GCA: variants seen among roughly 807,000 people sequenced by gnomAD.
GCA encodes the protein grancalcin.
Under a neutral mutation model 32.6 loss-of-function variants are expected in GCA, and 30 were observed. The observed-to-expected ratio is 0.92, with a 90% CI of 0.69 to 1.25. The LOEUF is 1.25. GCA is among the 50% of genes most tolerant of loss of function. The probability of loss-of-function intolerance (pLI) is 0.00; values close to 1 mark genes in which losing one functional copy is unlikely to be tolerated. For synonymous variants in GCA, 102 were observed against 84.6 expected (o/e 1.21, Z -1.13); for missense variants, 291 against 266.8 (o/e 1.09, Z -0.63).
At chr2:162,349,519 T>G (rs185022469) in intron 2 of GCA, among the ~76,000 whole-genome samples, 14 of 151,236 alleles carry the variant, frequency 9.3e-5, no homozygotes, top group East Asian at 7.7e-4. Context: ...AAGATGTGTG[T>G]TTTTTTTTCT....
intron 1 of GCA, among the ~76,000 whole-genome samples, chr2:162,328,218 CAAA>C (rs35156397): frequency 0.026 from 2,304 of 90,044 alleles, 83 homozygotes; most frequent in African/African-American, 0.092. Flanking sequence ...CTGTTTCTAC[CAAA>C]AAAAAAAAAA....
intron 2 of GCA, among the ~76,000 whole-genome samples, chr2:162,351,481 A>G (rs1330849068): frequency 6.6e-6 from 1 of 152,186 alleles, no homozygotes; most frequent in Non-Finnish European, 1.5e-5. Context: ...GCTGCTTAGT[A>G]TTTTGTAATT....
chr2:162,332,351 T>A (rs1352001377), intron 1 of GCA, among the ~76,000 whole-genome samples: 1 of 146,126 alleles, frequency 6.8e-6, no homozygotes, highest in Non-Finnish European at 1.5e-5. Flanking sequence ...TATATAATAT[T>A]ATTTATATAT....
downstream of GCA, among the ~76,000 whole-genome samples, chr2:162,365,966 A>G (rs1232049871): frequency 6.6e-6 from 1 of 151,670 alleles, no homozygotes; most frequent in Non-Finnish European, 1.5e-5. Context: ...TTATATATCC[A>G]AACAATATAT....
chr2:162,358,528 C>G (rs1002742352), intron 5 of GCA, among the ~76,000 whole-genome samples: 1 of 151,264 alleles, frequency 6.6e-6, no homozygotes, highest in Admixed American at 6.6e-5. Flanking sequence ...TGAAGAAACA[C>G]TAAGAATTCC....
intron 1 of GCA, among the ~76,000 whole-genome samples, chr2:162,327,397 A>G (rs751137007): frequency 2.0e-5 from 3 of 152,158 alleles, no homozygotes; most frequent in Non-Finnish European, 4.4e-5. Context: ...CAGAAAAAAC[A>G]GTAAAAGGGG....
chr2:162,319,393 C>T (rs188402365), intron 1 of GCA: 2 of 318,052 alleles, frequency 6.3e-6, no homozygotes, highest in Admixed American at 3.9e-5. Flanking sequence ...TAGATCCCAG[C>T]TTGTAAGTTC....
intron 1 of GCA, among the ~76,000 whole-genome samples, chr2:162,329,112 T>A (rs867945233): frequency 6.6e-5 from 10 of 152,048 alleles, no homozygotes; most frequent in African/African-American, 1.5e-4. Flanking sequence ...GGGGTTTTTT[T>A]ATAGGCACAG....
At chr2:162,364,843 CAT>C (rs1261866061), downstream of GCA, among the ~76,000 whole-genome samples, 7 of 151,656 alleles carry the variant, frequency 4.6e-5, no homozygotes, top group East Asian at 1.4e-3. Context: ...GTTATTTGCA[CAT>C]GAGTTAAAGC....
chr2:162,356,790 A>T lies in GCA; in HGVS notation c.339A>T (p.Ala113=). The T allele has an allele frequency of 1.2e-6, 2 of 1,609,020 alleles. No individual in the cohort carries two copies. Among genetic ancestry groups the T allele is most frequent in the Non-Finnish European group, 1.7e-6 (2 of 1,176,482 alleles). The change falls in exon 5 of 8, where the codon GCA becomes GCT. Residue 113 remains alanine, a synonymous_variant. Coordinates refer to ENST00000437150, the MANE Select transcript of GCA (RefSeq NM_012198.5). ...RDHTGKMGFN[A]FKELWAALNA... ...ACACAGGAAAAATGGGATTTAATGCATTCAAAGAGCTATGGGCAGCTCTTA... is the reference window on the plus strand; with the variant it reads ...ACACAGGAAAAATGGGATTTAATGCTTTCAAAGAGCTATGGGCAGCTCTTA...
intron 1 of GCA, among the ~76,000 whole-genome samples, chr2:162,332,708 T>G: frequency 6.6e-6 from 1 of 151,458 alleles, no homozygotes; most frequent in East Asian, 1.9e-4. Flanking sequence ...TTCTTATACT[T>G]TTACCAAAAA....
At chr2:162,371,964 TAAAG>T (rs1241079784), downstream of GCA, 1 of 1,613,786 alleles carries the variant, frequency 6.2e-7, no homozygotes, top group Non-Finnish European at 8.5e-7. Flanking sequence ...GGTGAAGCTC[TAAAG>T]AGAGATCACT....
intron 1 of GCA, among the ~76,000 whole-genome samples, chr2:162,330,396 T>G (rs1330297160): frequency 6.6e-6 from 1 of 152,254 alleles, no homozygotes. Context: ...AAGGCAACGC[T>G]GCAGTAGGTC....
chr2:162,347,363 A>G (rs958577060), intron 1 of GCA, among the ~76,000 whole-genome samples: 5 of 151,978 alleles, frequency 3.3e-5, no homozygotes, highest in Admixed American at 1.3e-4. Flanking sequence ...TTTCTTTTAT[A>G]CTTCTTTTAA....
At chr2:162,363,893 G>C (rs540930975), downstream of GCA, among the ~76,000 whole-genome samples, 16 of 151,648 alleles carry the variant, frequency 1.1e-4, no homozygotes, top group East Asian at 2.7e-3. Flanking sequence ...TGAATAGTGA[G>C]TAGACATTGG....
At chr2:162,327,760 G>A (rs1202486984) in intron 1 of GCA, among the ~76,000 whole-genome samples, 1 of 152,186 alleles carries the variant, frequency 6.6e-6, no homozygotes, top group Non-Finnish European at 1.5e-5. Context: ...GGTCTGATTT[G>A]CACCTTTGGT....
chr2:162,352,115 G>A (rs1685031127), intron 2 of GCA, among the ~76,000 whole-genome samples: 1 of 152,000 alleles, frequency 6.6e-6, no homozygotes, highest in African/African-American at 2.4e-5. Context: ...TATAGAACAG[G>A]GTAATTGTGC....
intron 1 of GCA, among the ~76,000 whole-genome samples, chr2:162,336,337 A>C (rs1684270041): frequency 6.6e-6 from 1 of 152,250 alleles, no homozygotes; most frequent in Non-Finnish European, 1.5e-5. Flanking sequence ...AAGATATTTC[A>C]CATAGGAAAT....
At chr2:162,330,248 A>G (rs1684028356) in intron 1 of GCA, among the ~76,000 whole-genome samples, 1 of 152,212 alleles carries the variant, frequency 6.6e-6, no homozygotes, top group Admixed American at 6.5e-5. Context: ...AGGAATCACC[A>G]CACTGTCTTC....
Sources: allele counts gnomAD v4.1 joint callset (sites outside exome capture counted in the v4.1 genomes callset), GRCh38; gene constraint gnomAD v4.1.1; transcripts MANE v1.5; gene names NCBI Gene and HGNC (gene_info 2026-07-23, HGNC 2026-07-21).